The following CCSER1 variants were observed in gnomAD, a reference collection of about 807,000 sequenced individuals.
The protein encoded by CCSER1 is coiled-coil serine rich protein 1.
CCSER1 carries 41 observed loss-of-function variants against 82.0 expected under a neutral mutation model. The observed-to-expected ratio is 0.50, with a 90% confidence interval of 0.39 to 0.65. The LOEUF is 0.65. Ranked by LOEUF, CCSER1 falls within the 30% of genes least tolerant of loss-of-function variation. The pLI is 0.00. For missense variants in CCSER1, 1,119 were observed against 1,064.2 expected (o/e 1.05, Z -0.72); for synonymous variants, 414 against 383.9 (o/e 1.08, Z -0.92).
At chr4:90,815,526 A>ATGTGTGTGTGTGTGTG (rs113631267) in intron 7 of CCSER1, among the ~76,000 whole-genome samples, 17,989 of 150,602 alleles carry the variant, frequency 0.12, 1,330 homozygotes, top group Non-Finnish European at 0.17. Flanking sequence ...GTGTGTGTGG[A>ATGTGTGTGTGTGTGTG]TGTGTGTGTG....
At chr4:91,421,936 G>C (rs1397447074) in intron 10 of CCSER1, among the ~76,000 whole-genome samples, 1 of 152,004 alleles carries the variant, frequency 6.6e-6, no homozygotes, top group African/African-American at 2.4e-5. Context: ...AGCCAGGATC[G>C]AAGAAATGCA....
intron 5 of CCSER1, among the ~76,000 whole-genome samples, chr4:90,616,572 A>T (rs1303692980): frequency 1.3e-5 from 2 of 151,562 alleles, no homozygotes; most frequent in Non-Finnish European, 2.9e-5. Flanking sequence ...CTAATCCCAG[A>T]TACTTGGGAG....
intron 10 of CCSER1, among the ~76,000 whole-genome samples, chr4:91,231,690 A>T (rs1738639575): frequency 6.6e-6 from 1 of 151,756 alleles, no homozygotes; most frequent in Admixed American, 6.6e-5. Context: ...ATGGATAGTT[A>T]TATATATAAA....
At chr4:91,517,768 GTGTGTGTGTGTGTGTGTT>G (rs1347974504) in intron 10 of CCSER1, among the ~76,000 whole-genome samples, 5 of 140,236 alleles carry the variant, frequency 3.6e-5, no homozygotes, top group East Asian at 4.1e-4. Context: ...GTGTGTGTGT[GTGTGTGTGTGTGTGTGTT>G]TAACTTTGAT....
At chr4:91,578,507 G>A (rs192893381) in intron 10 of CCSER1, among the ~76,000 whole-genome samples, 6 of 151,968 alleles carry the variant, frequency 3.9e-5, no homozygotes, top group Admixed American at 3.3e-4. Flanking sequence ...TTCCATTTTA[G>A]CAACACCTTA....
chr4:90,135,582 C>G (rs1723538077), intron 1 of CCSER1, among the ~76,000 whole-genome samples: 1 of 152,220 alleles, frequency 6.6e-6, no homozygotes, highest in Non-Finnish European at 1.5e-5. Flanking sequence ...TTGCCTTGCT[C>G]CTGCATAGTT....
At chr4:90,221,740 C>T (rs1239758133) in intron 1 of CCSER1, among the ~76,000 whole-genome samples, 1 of 152,072 alleles carries the variant, frequency 6.6e-6, no homozygotes, top group South Asian at 2.1e-4. Context: ...TGTAAGCGAG[C>T]TTTGACAGCG....
At chr4:90,866,657 A>T (rs898420008) in intron 8 of CCSER1, among the ~76,000 whole-genome samples, 3 of 152,082 alleles carry the variant, frequency 2.0e-5, no homozygotes, top group Non-Finnish European at 4.4e-5. Context: ...CCACAAAACT[A>T]ATCAGAGATT....
intron 8 of CCSER1, chr4:90,838,989 T>G: frequency 1.9e-6 from 3 of 1,613,030 alleles, no homozygotes; most frequent in African/African-American, 2.7e-5. Context: ...TTCTTCAGTT[T>G]CGGCTTATCG....
intron 10 of CCSER1, among the ~76,000 whole-genome samples, chr4:91,359,692 T>A (rs1484304814): frequency 6.6e-6 from 1 of 151,578 alleles, no homozygotes; most frequent in Non-Finnish European, 1.5e-5. Context: ...GGCTAAGCAA[T>A]CTTGCGTTGC....
chr4:91,092,384 A>C (rs889433477), intron 10 of CCSER1, among the ~76,000 whole-genome samples: 1 of 152,176 alleles, frequency 6.6e-6, no homozygotes, highest in South Asian at 2.1e-4. Context: ...ACCCAGAGTA[A>C]GTACACACTA....
chr4:91,119,663 G>A (rs1315598428), intron 10 of CCSER1, among the ~76,000 whole-genome samples: 1 of 151,656 alleles, frequency 6.6e-6, no homozygotes, highest in Non-Finnish European at 1.5e-5. Context: ...TGAAATGTAG[G>A]GCTATTTACT....
At chr4:90,566,053 G>A (rs1167155807) in intron 5 of CCSER1, among the ~76,000 whole-genome samples, 1 of 147,866 alleles carries the variant, frequency 6.8e-6, no homozygotes, top group African/African-American at 2.5e-5. Context: ...TTTTTTTAGT[G>A]GACCATGTTA....
At chr4:91,569,886 CAA>C (rs1348479895) in intron 10 of CCSER1, among the ~76,000 whole-genome samples, 2 of 152,104 alleles carry the variant, frequency 1.3e-5, no homozygotes, top group Non-Finnish European at 2.9e-5. Flanking sequence ...TCCAGAAATT[CAA>C]GTCCAAAGTC....
At chr4:91,275,302 TTTTTG>T (rs1742342288) in intron 10 of CCSER1, among the ~76,000 whole-genome samples, 1 of 147,242 alleles carries the variant, frequency 6.8e-6, no homozygotes, top group Non-Finnish European at 1.5e-5. Context: ...CATCTGTTTT[TTTTTG>T]TTTGTTTTTG....
chr4:90,267,323 A>G (rs1303731812), intron 1 of CCSER1, among the ~76,000 whole-genome samples: 1 of 152,112 alleles, frequency 6.6e-6, no homozygotes, highest in Non-Finnish European at 1.5e-5. Flanking sequence ...GCTCAGCCAC[A>G]GTAGAACAGA....
At chr4:90,501,324 C>G (rs1290102207) in intron 5 of CCSER1, among the ~76,000 whole-genome samples, 1 of 152,080 alleles carries the variant, frequency 6.6e-6, no homozygotes, top group African/African-American at 2.4e-5. Context: ...GACAAAAATT[C>G]TAGATCTTGC....
chr4:90,984,142 C>A (rs1736371505), intron 9 of CCSER1, among the ~76,000 whole-genome samples: 1 of 151,776 alleles, frequency 6.6e-6, no homozygotes, highest in Non-Finnish European at 1.5e-5. Context: ...ACAAGAATGA[C>A]TGTTGGTAGC....
chr4:90,131,739 T>C (rs13132515), intron 1 of CCSER1, among the ~76,000 whole-genome samples: 46,339 of 152,082 alleles, frequency 0.3, 8,216 homozygotes, highest in Non-Finnish European at 0.41. Context: ...ATACGGAGCC[T>C]ATAGTGAAAA....
Sources: allele counts gnomAD v4.1 joint callset (sites outside exome capture counted in the v4.1 genomes callset), GRCh38; gene constraint gnomAD v4.1.1; transcripts MANE v1.5; gene names NCBI Gene and HGNC (gene_info 2026-07-23, HGNC 2026-07-21).